ADAMTS17: variants seen among roughly 807,000 people sequenced by gnomAD.
ADAMTS17 encodes ADAM metallopeptidase with thrombospondin type 1 motif 17.
ADAMTS17 carries 113 observed loss-of-function variants against 141.5 expected under a neutral mutation model. That is an observed-to-expected ratio of 0.80 (90% CI 0.69 to 0.93). The LOEUF is 0.93. ADAMTS17 is among the 40% of genes least tolerant of loss of function. The probability of loss-of-function intolerance (pLI) is 0.00; values close to 1 mark genes in which losing one functional copy is unlikely to be tolerated. For synonymous variants in ADAMTS17, 768 were observed against 630.6 expected (o/e 1.22, Z -3.27); for missense variants, 1,659 against 1,517.9 (o/e 1.09, Z -1.54).
In ADAMTS17 at chr15:99,975,784, A is replaced by G. The variant is rs76723189; in HGVS notation, c.3127+261T>C. On this transcript the variant is annotated intron_variant, in intron 21 of 21. Coordinates refer to ENST00000268070, the MANE Select transcript of ADAMTS17 (RefSeq NM_139057.4). ...AGGAAACCTACAGTGTCTGTGGAAC[A>G]TTCTCCTGTGTTGGGCAAAGGGGTG... 9.7e-3 allele frequency among the ~76,000 whole-genome samples: 1,483 copies of G among 152,266 alleles called. 26 individuals carry two copies. Among genetic ancestry groups the G allele is most frequent in the African/African-American group, 0.034 (1,409 of 41,552 alleles).
At chr15:100,164,367 T>G (rs917858415) in intron 8 of ADAMTS17, among the ~76,000 whole-genome samples, 16 of 144,458 alleles carry the variant, frequency 1.1e-4, no homozygotes, top group African/African-American at 3.9e-4. Context: ...CATCTATGAC[T>G]AAACAGGGAT....
chr15:100,220,635 C>T (rs1258485872), intron 7 of ADAMTS17, among the ~76,000 whole-genome samples: 1 of 152,152 alleles, frequency 6.6e-6, no homozygotes, highest in Non-Finnish European at 1.5e-5. Flanking sequence ...TTTCATCACT[C>T]TTATAGCTAG....
chr15:100,183,611 A>T (rs1227489936), intron 8 of ADAMTS17, among the ~76,000 whole-genome samples: 3 of 152,224 alleles, frequency 2.0e-5, no homozygotes, highest in Non-Finnish European at 4.4e-5. Flanking sequence ...GACAATTCCA[A>T]CATTTGTCAC....
chr15:99,988,051 G>A (rs2060624878), intron 20 of ADAMTS17, among the ~76,000 whole-genome samples: 1 of 152,036 alleles, frequency 6.6e-6, no homozygotes, highest in South Asian at 2.1e-4. Flanking sequence ...CTCAGGCTCA[G>A]GCTCTGGCTG....
In ADAMTS17 at chr15:99,974,379, T is replaced by C. The variant is rs760336301; in HGVS notation, c.*23A>G. 7 of 1,613,928 alleles carry C rather than the reference T, an allele frequency of 4.3e-6. 1 individual carries two copies. The South Asian group carries it at 7.7e-5, about 18-fold the overall frequency. On this transcript the variant is annotated 3_prime_UTR_variant, in exon 22 of 22. Coordinates refer to ENST00000268070, the MANE Select transcript of ADAMTS17 (RefSeq NM_139057.4). ...GGGTTTCAGACCTGAGTCTGAGCTT[T>C]GAGCGACCCTTGGGACTGCGTGTCA...
intron 7 of ADAMTS17, among the ~76,000 whole-genome samples, chr15:100,203,623 T>C (rs1383300667): frequency 1.3e-5 from 2 of 152,158 alleles, no homozygotes; most frequent in Non-Finnish European, 1.5e-5. Flanking sequence ...GAGAATGGCA[T>C]GAACCTGGGA....
At position 100,195,484 on chromosome 15, in the gene ADAMTS17, C is replaced by G. The variant is rs187266491; in HGVS notation, c.1181+3834G>C. On this transcript the variant is annotated intron_variant, in intron 8 of 21. Coordinates refer to ENST00000268070, the MANE Select transcript of ADAMTS17 (RefSeq NM_139057.4). ...TTATGTATTAATATGTAAATGGAGC[C>G]TGTTCCATGTTTCCGTAAGACCACA... Among the ~76,000 whole-genome samples, 4 of 152,240 alleles carry G rather than the reference C, an allele frequency of 2.6e-5. No homozygotes were observed. In the East Asian group the frequency reaches 7.7e-4, roughly 29 times the overall value.
chr15:99,984,429 A>G (rs1484049648), intron 20 of ADAMTS17, among the ~76,000 whole-genome samples: 1 of 152,224 alleles, frequency 6.6e-6, no homozygotes, highest in Non-Finnish European at 1.5e-5. Context: ...ATGGGGACTG[A>G]AGCACACTCG....
rs983217643 is a variant in ADAMTS17, at chr15:99,974,111, T to C, written c.*291A>G. The C allele has an allele frequency of 1.2e-5, 6 of 494,400 alleles. No homozygotes were observed. Among genetic ancestry groups the C allele is most frequent in the South Asian group, 4.1e-5 (2 of 48,400 alleles). The allele number at this position is 494,400 out of a possible 1,614,324, so 30.6% of individuals were successfully genotyped here. A position where few individuals can be genotyped will look rare whatever the true frequency, so the allele number is the denominator to read the frequency against. On this transcript the variant is annotated 3_prime_UTR_variant, in exon 22 of 22. Transcript: ENST00000268070. ...AGAACACTAAATGATGTCTCTCTCT[T>C]GACGGTTGTCTGCCAGAGGTGCTTC...
chr15:100,291,180 G>A (rs114149790), intron 3 of ADAMTS17, among the ~76,000 whole-genome samples: 2,125 of 152,212 alleles, frequency 0.014, 35 homozygotes, highest in African/African-American at 0.048. Flanking sequence ...TTAAAAAGTG[G>A]GCAAAGGACA....
chr15:100,170,144 G>A (rs1015491610), intron 8 of ADAMTS17, among the ~76,000 whole-genome samples: 1 of 152,240 alleles, frequency 6.6e-6, no homozygotes, highest in South Asian at 2.1e-4. Context: ...ACGATGGCGG[G>A]GGGCATGGGG....
chr15:100,247,078 G>A (rs940535433), intron 7 of ADAMTS17, among the ~76,000 whole-genome samples: 2 of 151,906 alleles, frequency 1.3e-5, no homozygotes, highest in Non-Finnish European at 2.9e-5. Context: ...GTAGGGACAG[G>A]GTTTTGCCAT....
intron 3 of ADAMTS17, among the ~76,000 whole-genome samples, chr15:100,319,190 G>A (rs2045654648): frequency 6.6e-6 from 1 of 152,234 alleles, no homozygotes; most frequent in Admixed American, 6.5e-5. Context: ...CTTGAGCCAA[G>A]GCTGAAGCAG....
intron 2 of ADAMTS17, among the ~76,000 whole-genome samples, chr15:100,331,698 T>A (rs540689120): frequency 6.6e-6 from 1 of 152,232 alleles, no homozygotes; most frequent in African/African-American, 2.4e-5. Context: ...GATCGCAGAT[T>A]CAGGAGATCT....
chr15:100,261,981 G>C (rs2043536124), intron 5 of ADAMTS17, among the ~76,000 whole-genome samples: 1 of 152,194 alleles, frequency 6.6e-6, no homozygotes, highest in South Asian at 2.1e-4. Context: ...GCGCTCCATT[G>C]AAAGACCAGA....
At chr15:99,987,106 G>A (rs2060604906) in intron 20 of ADAMTS17, among the ~76,000 whole-genome samples, 1 of 152,170 alleles carries the variant, frequency 6.6e-6, no homozygotes, top group Non-Finnish European at 1.5e-5. Flanking sequence ...GCCATGCCTG[G>A]GCGTCCTCCC....
chr15:100,319,942 T>C (rs547810874), intron 3 of ADAMTS17, among the ~76,000 whole-genome samples: 116 of 151,100 alleles, frequency 7.7e-4, no homozygotes, highest in African/African-American at 2.7e-3. Context: ...AAAAAATAAA[T>C]ACATAAAAGA....
Position 100,002,859 on chromosome 15 carries a change from G to A in ADAMTS17, c.2592-5270C>T, listed in dbSNP as rs922982244. Among the ~76,000 whole-genome samples, 10 of 151,828 alleles carry A rather than the reference G, an allele frequency of 6.6e-5. No homozygotes were observed. The East Asian group carries it at 7.7e-4, about 12-fold the overall frequency. On this transcript the variant is annotated intron_variant, in intron 18 of 21. Coordinates refer to ENST00000268070, the MANE Select transcript of ADAMTS17 (RefSeq NM_139057.4). ...TTCCTGCTGTCCAGCCCTTTCCCGC[G>A]GAGTTCTTACAATCTCCCTCCTTGT...
chr15:100,067,811 A>G (rs531876981), intron 15 of ADAMTS17, among the ~76,000 whole-genome samples: 75 of 152,324 alleles, frequency 4.9e-4, no homozygotes, highest in Non-Finnish European at 1.0e-3. Flanking sequence ...TCCAGTCTAC[A>G]GCTCCCAGTG....
Sources: gnomAD v4.1 joint callset for allele counts (sites outside exome capture counted in the v4.1 genomes callset) on GRCh38, gnomAD v4.1.1 for gene constraint, MANE v1.5 for transcripts, NCBI Gene and HGNC (gene_info 2026-07-23, HGNC 2026-07-21) for gene names.